Variants in ADK observed in about 807,000 individuals in gnomAD.
ADK encodes adenosine kinase.
ADK carries 24 observed loss-of-function variants against 44.7 expected under a neutral mutation model. The observed-to-expected ratio is 0.54, with a 90% CI of 0.39 to 0.76. The LOEUF is 0.76. Among genes scored for constraint, ADK ranks in the 30% least tolerant of loss-of-function variants. The pLI, the probability that ADK is intolerant of heterozygous loss-of-function variation, is 0.00. For synonymous variants in ADK, 128 were observed against 142.6 expected, an observed-to-expected ratio of 0.90 and a Z score of 0.73; for missense variants, 321 against 425.1, an observed-to-expected ratio of 0.76 and a Z score of 2.15.
chr10:74,197,023 A>G (rs984987252), intron 1 of ADK, among the ~76,000 whole-genome samples: 20 of 152,154 alleles, frequency 1.3e-4, no homozygotes, highest in African/African-American at 4.3e-4. Context: ...TTCTTCATTT[A>G]TATCTATTAG....
chr10:74,613,351 T>C (rs570737817), intron 9 of ADK, among the ~76,000 whole-genome samples: 1 of 152,098 alleles, frequency 6.6e-6, no homozygotes, highest in Non-Finnish European at 1.5e-5. Context: ...AGTTCCGTAA[T>C]CTGCTGGAAA....
At chr10:74,286,011 T>C (rs1440993621) in intron 3 of ADK, among the ~76,000 whole-genome samples, 2 of 152,320 alleles carry the variant, frequency 1.3e-5, no homozygotes, top group Admixed American at 6.5e-5. Flanking sequence ...TAAATATTGG[T>C]ATAAGCTGCT....
At chr10:74,320,323 A>G (rs910155141) in intron 4 of ADK, among the ~76,000 whole-genome samples, 20 of 152,170 alleles carry the variant, frequency 1.3e-4, no homozygotes, top group Non-Finnish European at 1.5e-5. Flanking sequence ...GATGAGAATT[A>G]GTTCTTATTC....
intron 3 of ADK, among the ~76,000 whole-genome samples, chr10:74,246,537 T>A (rs1845422391): frequency 6.6e-6 from 1 of 152,234 alleles, no homozygotes; most frequent in Admixed American, 6.5e-5. Context: ...AAAGACTGGT[T>A]AATATCAGGT....
intron 5 of ADK, among the ~76,000 whole-genome samples, chr10:74,395,535 T>TA (rs1843478193): frequency 6.6e-6 from 1 of 152,126 alleles, no homozygotes; most frequent in Non-Finnish European, 1.5e-5. Flanking sequence ...TTCAGGGATT[T>TA]TAAAAAAAAA....
At chr10:74,456,361 A>G (rs1212060071) in intron 6 of ADK, among the ~76,000 whole-genome samples, 1 of 152,104 alleles carries the variant, frequency 6.6e-6, no homozygotes, top group African/African-American at 2.4e-5. Flanking sequence ...AGTGCGATCA[A>G]ATTAGAACTC....
chr10:74,393,549 A>T (rs1843411096), intron 4 of ADK, among the ~76,000 whole-genome samples: 1 of 152,218 alleles, frequency 6.6e-6, no homozygotes, highest in Non-Finnish European at 1.5e-5. Flanking sequence ...TATGACAATC[A>T]TAGTAACAGC....
At position 74,577,110 on chromosome 10, in the gene ADK, CTGTGTGTG is replaced by C. The variant is rs146683037; in HGVS notation, c.727-12136_727-12129del. Among the ~76,000 whole-genome samples, 444 of 137,412 alleles carry C rather than the reference CTGTGTGTG, an allele frequency of 3.2e-3. 2 individuals carry two copies. Among genetic ancestry groups the C allele is most frequent in the African/African-American group, 0.01 (381 of 36,798 alleles). 90.1% of individuals were successfully genotyped at this position (137,412 alleles called of 152,430 possible). Reference sequence around the variant, plus strand: ...CCACTTAGTGTTTTGTATTATTTCTCTGTGTGTGTGTGTGTGTGTGTGTGTGTGTGTGT... The same window carrying C: ...CCACTTAGTGTTTTGTATTATTTCTCTGTGTGTGTGTGTGTGTGTGTGTGT... On this transcript the variant is annotated intron_variant, in intron 7 of 10. Transcript: ENST00000539909.
At chr10:74,694,195 T>G (rs192835998) in intron 10 of ADK, among the ~76,000 whole-genome samples, 1 of 145,780 alleles carries the variant, frequency 6.9e-6, no homozygotes, top group African/African-American at 2.5e-5. Flanking sequence ...AACATGTTTC[T>G]AAATGTACTT....
chr10:74,530,297 G>C (rs556282716), intron 7 of ADK, among the ~76,000 whole-genome samples: 1 of 152,110 alleles, frequency 6.6e-6, no homozygotes, highest in African/African-American at 2.4e-5. Flanking sequence ...AGTTATCAGA[G>C]AATATACGTA....
At chr10:74,686,432 G>A (rs1855792240) in intron 10 of ADK, among the ~76,000 whole-genome samples, 2 of 152,050 alleles carry the variant, frequency 1.3e-5, no homozygotes, top group African/African-American at 4.8e-5. Flanking sequence ...TGGGATTAAG[G>A]CCCTTATAAA....
intron 3 of ADK, among the ~76,000 whole-genome samples, chr10:74,233,769 T>G (rs181593564): frequency 1.8e-4 from 27 of 152,322 alleles, no homozygotes; most frequent in African/African-American, 6.5e-4. Context: ...TTTAGTCTGT[T>G]CAGTGATCCC....
intron 3 of ADK, 25 bp from the exon 4 acceptor site, chr10:74,314,642 T>A: frequency 6.3e-7 from 1 of 1,575,224 alleles, no homozygotes. Context: ...GTAACTTACT[T>A]TTTTCTACTG....
chr10:74,291,146 G>C (rs1398760372), intron 3 of ADK, among the ~76,000 whole-genome samples: 1 of 152,072 alleles, frequency 6.6e-6, no homozygotes, highest in South Asian at 2.1e-4. Flanking sequence ...GGCTGGGTGC[G>C]GTGGCTCACG....
chr10:74,570,200 G>T (rs1224225056), intron 7 of ADK, among the ~76,000 whole-genome samples: 1 of 151,960 alleles, frequency 6.6e-6, no homozygotes, highest in Admixed American at 6.5e-5. Context: ...TTTGAAGTCA[G>T]GTAGCGTGAT....
At chr10:74,491,425 A>C (rs1041607430) in intron 6 of ADK, among the ~76,000 whole-genome samples, 4 of 152,114 alleles carry the variant, frequency 2.6e-5, no homozygotes, top group African/African-American at 9.7e-5. Context: ...TTATTTTATT[A>C]TGAAAGTTTT....
intron 10 of ADK, among the ~76,000 whole-genome samples, chr10:74,701,745 G>A (rs1856424624): frequency 6.6e-6 from 1 of 152,140 alleles, no homozygotes; most frequent in Non-Finnish European, 1.5e-5. Flanking sequence ...GGGAGTCTGA[G>A]ACCAGCCCGT....
Position 74,592,035 on chromosome 10 carries a change from TA to T in ADK, c.762+2729del, listed in dbSNP as rs942635279. Among the ~76,000 whole-genome samples the T allele has an allele frequency of 3.3e-4, 48 of 146,636 alleles. No homozygotes were observed. In the East Asian group the frequency reaches 3.5e-3, roughly 11 times the overall value. On this transcript the variant is annotated intron_variant, in intron 8 of 10. Coordinates refer to ENST00000539909, the MANE Select transcript of ADK (RefSeq NM_006721.4). ...AGCTTCTCTGCAAATTTTACTTTTG[TA>T]AAAAAAAAAATCTTTAAACTGAATT...
chr10:74,424,585 C>T (rs1423192881), intron 6 of ADK, among the ~76,000 whole-genome samples: 1 of 149,146 alleles, frequency 6.7e-6, no homozygotes, highest in Non-Finnish European at 1.5e-5. Flanking sequence ...TGCCTCTCTC[C>T]ACCCCAGAGG....
Sources: allele counts gnomAD v4.1 joint callset (sites outside exome capture counted in the v4.1 genomes callset), GRCh38; gene constraint gnomAD v4.1.1; transcripts MANE v1.5; gene names NCBI Gene and HGNC (gene_info 2026-07-23, HGNC 2026-07-21).